The following ANKRD42 variants were observed in gnomAD, a reference collection of about 807,000 sequenced individuals.
The protein encoded by ANKRD42 is ankyrin repeat domain 42.
Under a neutral mutation model 51.5 loss-of-function variants are expected in ANKRD42, and 43 were observed. That is an observed-to-expected ratio of 0.83 (90% CI 0.65 to 1.08). The LOEUF is 1.08. Among genes scored for constraint, ANKRD42 ranks in the 50% least tolerant of loss-of-function variants. The probability of loss-of-function intolerance (pLI) is 0.00; values close to 1 mark genes in which losing one functional copy is unlikely to be tolerated. For missense variants in ANKRD42, 608 were observed against 629.3 expected, an observed-to-expected ratio of 0.97 and a Z score of 0.36; for synonymous variants, 203 against 213.0, an observed-to-expected ratio of 0.95 and a Z score of 0.41.
chr11:83,215,282 A>G (rs1862490413), intron 5 of ANKRD42: 1 of 152,048 alleles, frequency 6.6e-6, no homozygotes, highest in Admixed American at 6.5e-5. Flanking sequence ...ATATAAATAT[A>G]GCTACTCTTT....
At chr11:83,261,088 C>T (rs1275455695), downstream of ANKRD42, 1 of 152,080 alleles carries the variant, frequency 6.6e-6, no homozygotes, top group Non-Finnish European at 1.5e-5. Context: ...TGCACTAAAG[C>T]ACACATTTAT....
chr11:83,227,795 T>C lies in ANKRD42; in HGVS notation c.836T>C (p.Met279Thr), dbSNP rs1175932875. ...GCTGCCTTTAAGGGTGATTTGGGGA[T>C]GCTTAAGAAATTAGTGGAAGATGGA... is the stretch of plus-strand genomic sequence containing the variant. ...HVAAFKGDLG[M>T]LKKLVEDGVI... Residue 279 changes from methionine (M) to threonine (T), a missense_variant, in exon 7 of 11, where the codon ATG (methionine) becomes ACG (threonine). Met to Thr is a moderately conservative substitution (Grantham distance 81). Transcript: ENST00000533342. The C allele has an allele frequency of 3.1e-6, 5 of 1,613,444 alleles. No individual in the cohort carries two copies. The highest frequency in any genetic ancestry group is 4.2e-6 in the Non-Finnish European group (5 of 1,179,816).
chr11:83,215,417 A>T (rs1862496463), intron 5 of ANKRD42, among the ~76,000 whole-genome samples: 1 of 152,012 alleles, frequency 6.6e-6, no homozygotes, highest in Non-Finnish European at 1.5e-5. Flanking sequence ...GTGCCTTTTA[A>T]TTGGAGAGTT....
chr11:83,256,860 T>A (rs1863783079), downstream of ANKRD42, among the ~76,000 whole-genome samples: 1 of 152,024 alleles, frequency 6.6e-6, no homozygotes, highest in Non-Finnish European at 1.5e-5. Flanking sequence ...AACTTTGGCT[T>A]CCAAGGTTAA....
chr11:83,217,028 C>T (rs543801959), intron 5 of ANKRD42, among the ~76,000 whole-genome samples: 4 of 152,246 alleles, frequency 2.6e-5, no homozygotes, highest in East Asian at 1.9e-4. Flanking sequence ...TGGGGGTCCT[C>T]GGTAGAAGCT....
intron 6 of ANKRD42, among the ~76,000 whole-genome samples, chr11:83,227,154 A>T (rs1010750668): frequency 6.6e-6 from 1 of 151,746 alleles, no homozygotes; most frequent in Non-Finnish European, 1.5e-5. Flanking sequence ...TTATTTATTT[A>T]TTTTTTTTGA....
chr11:83,229,081 G>C (rs1565190699), intron 7 of ANKRD42, among the ~76,000 whole-genome samples: 1 of 152,028 alleles, frequency 6.6e-6, no homozygotes, highest in Non-Finnish European at 1.5e-5. Context: ...CTGGAGGCTA[G>C]AAGTCTGAGA....
downstream of ANKRD42, among the ~76,000 whole-genome samples, chr11:83,258,852 T>A (rs1301200425): frequency 6.6e-6 from 1 of 152,138 alleles, no homozygotes; most frequent in Non-Finnish European, 1.5e-5. Context: ...TCCTGACTCT[T>A]GCCAAGTCCT....
In ANKRD42 at chr11:83,240,937, A is replaced by G; in HGVS notation, c.1195+3A>G. 6.2e-7 allele frequency: 1 copy of G among 1,609,750 alleles called. No homozygotes were observed. Among genetic ancestry groups the G allele is most frequent in the Non-Finnish European group, 8.5e-7 (1 of 1,177,704 alleles). ...CTTGGATAAAACAGATGCCAGAAGT[A>G]AGTATGCTGCCTCTGTTGTGATTTA... On this transcript the variant is annotated splice_donor_region_variant and intron_variant, in intron 9 of 10. Transcript: ENST00000533342.
chr11:83,257,291 A>G (rs1266449682), downstream of ANKRD42: 1 of 455,882 alleles, frequency 2.2e-6, no homozygotes, highest in African/African-American at 2.0e-5. Context: ...GGGAAGCCCA[A>G]AACCAGCGAC....
At chr11:83,263,007 A>G (rs1232978824), downstream of ANKRD42, among the ~76,000 whole-genome samples, 2 of 152,210 alleles carry the variant, frequency 1.3e-5, no homozygotes, top group East Asian at 3.9e-4. Flanking sequence ...CATTGTACAG[A>G]TGAGGTAATA....
chr11:83,258,287 T>A (rs1417740165), downstream of ANKRD42, among the ~76,000 whole-genome samples: 1 of 152,170 alleles, frequency 6.6e-6, no homozygotes, highest in Non-Finnish European at 1.5e-5. Context: ...ATTCCCAAAT[T>A]GTGTATATTT....
downstream of ANKRD42, among the ~76,000 whole-genome samples, chr11:83,249,494 G>A (rs1863638272): frequency 6.6e-6 from 1 of 152,180 alleles, no homozygotes; most frequent in Non-Finnish European, 1.5e-5. Context: ...GGTCACGCAA[G>A]CTGCACATTT....
intron 6 of ANKRD42, 109 bp from the exon 7 acceptor site, chr11:83,227,638 A>T: frequency 8.5e-7 from 1 of 1,178,672 alleles, no homozygotes. Context: ...TCCGATTACA[A>T]CAGCCTTATA....
chr11:83,241,468 G>A lies in ANKRD42; in HGVS notation c.1195+534G>A, dbSNP rs543568330. Among the ~76,000 whole-genome samples the A allele has an allele frequency of 1.5e-4, 23 of 152,302 alleles. 1 individual carries two copies. The highest frequency in any genetic ancestry group is 4.8e-4 in the African/African-American group (20 of 41,558). ...AGTCATTAGGCCTCTCTGAGGTGGTGATGTTTGAGCAGAGACCTGAGTGAT... is the reference window on the plus strand; with the variant it reads ...AGTCATTAGGCCTCTCTGAGGTGGTAATGTTTGAGCAGAGACCTGAGTGAT... On this transcript the variant is annotated intron_variant, in intron 9 of 10. Coordinates refer to ENST00000533342, the MANE Select transcript of ANKRD42 (RefSeq NM_001300975.2).
intron 3 of ANKRD42, among the ~76,000 whole-genome samples, chr11:83,206,916 G>A (rs536056104): frequency 6.6e-6 from 1 of 152,258 alleles, no homozygotes; most frequent in South Asian, 2.1e-4. Flanking sequence ...GAAATAGACT[G>A]GAATTTGGAG....
intron 9 of ANKRD42, among the ~76,000 whole-genome samples, chr11:83,241,766 G>A (rs1176532231): frequency 2.6e-5 from 4 of 152,082 alleles, no homozygotes; most frequent in African/African-American, 9.7e-5. Flanking sequence ...GCCATTGTTG[G>A]GATTCAGGGT....
chr11:83,227,305 G>T (rs1862917269), intron 6 of ANKRD42, among the ~76,000 whole-genome samples: 1 of 151,844 alleles, frequency 6.6e-6, no homozygotes, highest in Non-Finnish European at 1.5e-5. Context: ...TAGAGACAGG[G>T]TTTCACCATG....
intron 5 of ANKRD42, among the ~76,000 whole-genome samples, chr11:83,224,587 G>A (rs967929352): frequency 2.0e-5 from 3 of 152,106 alleles, no homozygotes; most frequent in African/African-American, 7.2e-5. Context: ...GAGCTAATGT[G>A]TTATTTCTTT....
Sources: gnomAD v4.1 joint callset for allele counts (sites outside exome capture counted in the v4.1 genomes callset) on GRCh38, gnomAD v4.1.1 for gene constraint, MANE v1.5 for transcripts, NCBI Gene and HGNC (gene_info 2026-07-23, HGNC 2026-07-21) for gene names.